Variants in ADGRL2 observed in about 807,000 individuals in gnomAD.
The protein encoded by ADGRL2 is adhesion G protein-coupled receptor L2.
A neutral mutation model predicts 157.4 loss-of-function variants in ADGRL2; 44 were observed. The observed-to-expected ratio is 0.28, with a 90% CI of 0.22 to 0.36. The LOEUF is 0.36. Ranked by LOEUF, ADGRL2 falls within the 10% of genes least tolerant of loss-of-function variation. The pLI, the probability that ADGRL2 is intolerant of heterozygous loss-of-function variation, is 1.00. For synonymous variants in ADGRL2, 585 were observed against 624.7 expected (o/e 0.94, Z 0.95); for missense variants, 1,510 against 1,768.9 (o/e 0.85, Z 2.63).
At chr1:81,640,778 A>G (rs928483425) in intron 3 of ADGRL2, among the ~76,000 whole-genome samples, 1 of 152,182 alleles carries the variant, frequency 6.6e-6, no homozygotes, top group Non-Finnish European at 1.5e-5. Flanking sequence ...TACCAGACCT[A>G]AACTGCTATC....
chr1:81,407,166 T>C (rs531207782), intron 1 of ADGRL2, among the ~76,000 whole-genome samples: 6 of 152,196 alleles, frequency 3.9e-5, no homozygotes, highest in Non-Finnish European at 8.8e-5. Context: ...GACCACCCTA[T>C]TGTTCATTTG....
chr1:81,807,886 A>C (rs2089360919), intron 1 of ADGRL2, among the ~76,000 whole-genome samples: 1 of 151,808 alleles, frequency 6.6e-6, no homozygotes, highest in Non-Finnish European at 1.5e-5. Flanking sequence ...CTGCTGCACT[A>C]AGTAGGCAAT....
chr1:81,952,857 G>T, intron 9 of ADGRL2, 130 bp from the exon 10 acceptor site: 3 of 682,164 alleles, frequency 4.4e-6, no homozygotes, highest in Non-Finnish European at 7.9e-6. Context: ...TGCAGACTCA[G>T]ACTCCAGAGG....
At chr1:81,666,984 G>C (rs1184660985) in intron 3 of ADGRL2, among the ~76,000 whole-genome samples, 1 of 152,170 alleles carries the variant, frequency 6.6e-6, no homozygotes, top group Admixed American at 6.6e-5. Context: ...CTGGAAAGTG[G>C]AAGAGTTAGA....
At chr1:81,360,879 C>T (rs2075965598) in intron 1 of ADGRL2, among the ~76,000 whole-genome samples, 1 of 151,900 alleles carries the variant, frequency 6.6e-6, no homozygotes, top group African/African-American at 2.4e-5. Flanking sequence ...TTGCATGAAA[C>T]ATTCCAAATA....
At chr1:81,822,605 T>G (rs1202110654) in intron 1 of ADGRL2, among the ~76,000 whole-genome samples, 1 of 152,084 alleles carries the variant, frequency 6.6e-6, no homozygotes, top group Non-Finnish European at 1.5e-5. Context: ...CTCAGACTTC[T>G]AGGCTCTAGC....
intron 1 of ADGRL2, among the ~76,000 whole-genome samples, chr1:81,410,001 C>G (rs1200070445): frequency 1.3e-5 from 2 of 152,248 alleles, no homozygotes; most frequent in African/African-American, 4.8e-5. Flanking sequence ...CCCAGAGAAA[C>G]AATAAGTTAG....
intron 3 of ADGRL2, among the ~76,000 whole-genome samples, chr1:81,624,160 G>A (rs1041084987): frequency 3.9e-5 from 6 of 152,174 alleles, no homozygotes; most frequent in Non-Finnish European, 8.8e-5. Context: ...TCAGACTTCT[G>A]TTATCCAGAA....
intron 2 of ADGRL2, among the ~76,000 whole-genome samples, chr1:81,543,505 T>A (rs2079940275): frequency 6.6e-6 from 1 of 152,226 alleles, no homozygotes; most frequent in Non-Finnish European, 1.5e-5. Context: ...GCGGTATGAA[T>A]GGACTAAGAC....
At position 81,710,144 on chromosome 1, in the gene ADGRL2, C is replaced by T. The variant is rs1405748426; in HGVS notation, c.-143+10336C>T. ...AAGATATTTTCTAACGTGTCAGATT[C>T]TTCTGGCATTATAGGCAATATTCAC... On this transcript the variant is annotated intron_variant, in intron 1 of 20. Transcript: ENST00000359929. Among the ~76,000 whole-genome samples, 3 of 152,122 alleles carry T rather than the reference C, an allele frequency of 2.0e-5. No individual in the cohort carries two copies. The East Asian group carries it at 5.8e-4, about 29-fold the overall frequency.
chr1:81,366,409 C>A (rs74093393), intron 1 of ADGRL2, among the ~76,000 whole-genome samples: 241 of 152,232 alleles, frequency 1.6e-3, no homozygotes, highest in African/African-American at 5.4e-3. Flanking sequence ...AGAAACTCTA[C>A]AAAACCACTG....
At chr1:81,846,414 A>G (rs2092792154) in intron 2 of ADGRL2, among the ~76,000 whole-genome samples, 1 of 119,720 alleles carries the variant, frequency 8.4e-6, no homozygotes, top group South Asian at 2.5e-4. Context: ...GTAGAGATAG[A>G]TTAAAATGTC....
At chr1:81,942,131 C>G (rs1437147341) in intron 5 of ADGRL2, 86 bp downstream of exon 5, 4 of 573,940 alleles carry the variant, frequency 7.0e-6, no homozygotes, top group East Asian at 2.9e-5. Flanking sequence ...CCACAACACT[C>G]CTGTATTAAA....
rs538761391 is a variant in ADGRL2, at chr1:81,714,578, C to A, written c.-143+14770C>A. On this transcript the variant is annotated intron_variant, in intron 1 of 20. Coordinates refer to the ADGRL2 transcript ENST00000359929. ...ATCATTTTTGATACATTTTTATACACAATATAATAGAAGTCAGGCACAAAA... is the reference window on the plus strand; with the variant it reads ...ATCATTTTTGATACATTTTTATACAAAATATAATAGAAGTCAGGCACAAAA... 3.3e-5 allele frequency among the ~76,000 whole-genome samples: 5 copies of A among 151,912 alleles called. No homozygotes were observed. The South Asian group carries it at 6.3e-4, about 19-fold the overall frequency.
chr1:81,697,611 A>C (rs966983790), upstream of ADGRL2, among the ~76,000 whole-genome samples: 2 of 152,204 alleles, frequency 1.3e-5, no homozygotes, highest in Non-Finnish European at 2.9e-5. Flanking sequence ...AAAGAATGAC[A>C]CAAAATGAAA....
At chr1:81,883,550 A>G (rs866630814) in intron 2 of ADGRL2, among the ~76,000 whole-genome samples, 2 of 152,202 alleles carry the variant, frequency 1.3e-5, no homozygotes, top group Non-Finnish European at 2.9e-5. Flanking sequence ...GGGGGGAAAG[A>G]TATTTAAGCA....
chr1:81,961,214 G>T (rs985250931), intron 11 of ADGRL2, among the ~76,000 whole-genome samples: 1 of 152,140 alleles, frequency 6.6e-6, no homozygotes, highest in African/African-American at 2.4e-5. Context: ...ATTATTTCAA[G>T]CATACAGAAA....
chr1:81,731,277 A>G (rs1413425140), intron 1 of ADGRL2, among the ~76,000 whole-genome samples: 1 of 152,218 alleles, frequency 6.6e-6, no homozygotes, highest in African/African-American at 2.4e-5. Flanking sequence ...TGAGTTCATT[A>G]AAATTTTTTT....
chr1:81,953,895 A>T (rs1285863116), intron 10 of ADGRL2, among the ~76,000 whole-genome samples: 1 of 152,190 alleles, frequency 6.6e-6, no homozygotes, highest in African/African-American at 2.4e-5. Context: ...TTCTTAGACT[A>T]GAGAGTATTA....
Sources: gnomAD v4.1 joint callset for allele counts (sites outside exome capture counted in the v4.1 genomes callset) on GRCh38, gnomAD v4.1.1 for gene constraint, MANE v1.5 for transcripts, NCBI Gene and HGNC (gene_info 2026-07-23, HGNC 2026-07-21) for gene names.